The following ZHX3 variants were observed in gnomAD, a reference collection of about 807,000 sequenced individuals.
ZHX3 encodes the protein zinc fingers and homeoboxes 3.
Under a neutral mutation model 64.5 loss-of-function variants are expected in ZHX3, and 20 were observed. The ratio of observed to expected loss-of-function variants is 0.31; its 90% confidence interval spans 0.22 to 0.45. The LOEUF (loss-of-function observed/expected upper bound fraction) is 0.45. Among genes scored for constraint, ZHX3 ranks in the 20% least tolerant of loss-of-function variants. ZHX3 has a pLI of 1.00. For synonymous variants in ZHX3, 423 were observed against 461.6 expected, an observed-to-expected ratio of 0.92 and a Z score of 1.07; for missense variants, 1,041 against 1,195.8, an observed-to-expected ratio of 0.87 and a Z score of 1.91.
intron 2 of ZHX3, chr20:41,238,829 A>G (rs974859974): frequency 1.3e-5 from 2 of 152,088 alleles, no homozygotes; most frequent in Non-Finnish European, 2.9e-5. Flanking sequence ...AAATGTATCT[A>G]TTAAGCACCA....
chr20:41,185,160 T>C lies in ZHX3; in HGVS notation c.*31A>G. On this transcript the variant is annotated 3_prime_UTR_variant, in exon 4 of 4. Coordinates refer to ENST00000683867, the MANE Select transcript of ZHX3 (RefSeq NM_001384317.1). This position sits in a 1 kb window ranked among gnomAD's most constrained non-coding sequence, Gnocchi z 5.0. ...CCACGTGGCAGGCGGTTTCCCAGAC[T>C]GGCCAGTCCTTCACATTAATCAGAT... 1 of 1,606,188 alleles carries C rather than the reference T, an allele frequency of 6.2e-7. No homozygotes were observed. The highest frequency in any genetic ancestry group is 2.2e-5 in the East Asian group (1 of 44,756).
chr20:41,193,712 TG>T lies in ZHX3; in HGVS notation c.2860+8344del, dbSNP rs1374615649. ...TTTTTTTTGTTGTTGTTGTTGTTTT[TG>T]TTTTTTTTTTTTGAGAAGGAGTCTC... On this transcript the variant is annotated intron_variant, in intron 3 of 3. Transcript: ENST00000683867. Among the ~76,000 whole-genome samples the T allele has an allele frequency of 4.5e-3, 538 of 120,816 alleles. 5 individuals carry two copies. The highest frequency in any genetic ancestry group is 0.021 in the African/African-American group (516 of 24,998). 79.3% of individuals were successfully genotyped at this position (120,816 alleles called of 152,430 possible).
chr20:41,230,159 T>C (rs773791651), intron 2 of ZHX3, among the ~76,000 whole-genome samples: 13 of 152,200 alleles, frequency 8.5e-5, no homozygotes, highest in Non-Finnish European at 1.6e-4. Context: ...GTTGAAATAA[T>C]ATTTTGCATA....
At chr20:41,215,332 A>G (rs929867360) in intron 2 of ZHX3, among the ~76,000 whole-genome samples, 6 of 152,186 alleles carry the variant, frequency 3.9e-5, no homozygotes, top group Non-Finnish European at 8.8e-5. Flanking sequence ...AACTTTTTTT[A>G]AAAATCTGTC....
At chr20:41,294,389 T>C (rs981181050) in intron 1 of ZHX3, among the ~76,000 whole-genome samples, 12 of 152,042 alleles carry the variant, frequency 7.9e-5, no homozygotes, top group African/African-American at 2.9e-4. Flanking sequence ...TGAGATGGAG[T>C]CCCACTCTGT....
At chr20:41,317,233 C>G (rs1290828687) in intron 1 of ZHX3, 2 of 152,066 alleles carry the variant, frequency 1.3e-5, no homozygotes, top group East Asian at 1.9e-4. Flanking sequence ...CCTGGACGCC[C>G]GCTCCTGGAG....
At chr20:41,310,885 T>G (rs1224265418) in intron 1 of ZHX3, among the ~76,000 whole-genome samples, 3 of 141,270 alleles carry the variant, frequency 2.1e-5, no homozygotes, top group African/African-American at 8.0e-5. Flanking sequence ...CTCGGCTCAC[T>G]GCAACCTCCC....
Position 41,274,702 on chromosome 20 carries a change from T to A in ZHX3, c.-244-5619A>T, listed in dbSNP as rs201423547. Among the ~76,000 whole-genome samples, 3 of 152,206 alleles carry A rather than the reference T, an allele frequency of 2.0e-5. No homozygotes were observed. The East Asian group carries it at 5.8e-4, about 29-fold the overall frequency. On this transcript the variant is annotated intron_variant, in intron 1 of 3. Transcript: ENST00000683867. The stretch of plus-strand genomic sequence containing the variant: ...CCCCTAAAATAAATACTGGTTCATT[T>A]GAAACCAGTAGATTATGAGTCTGAG...
intron 2 of ZHX3, among the ~76,000 whole-genome samples, chr20:41,251,604 C>A (rs1470727887): frequency 6.6e-6 from 1 of 152,134 alleles, no homozygotes; most frequent in Non-Finnish European, 1.5e-5. Flanking sequence ...AATACACCAA[C>A]TAAAAGGCAA....
chr20:41,247,042 C>T (rs1413057735), intron 2 of ZHX3, among the ~76,000 whole-genome samples: 1 of 152,130 alleles, frequency 6.6e-6, no homozygotes, highest in Non-Finnish European at 1.5e-5. Flanking sequence ...TGGCAGATCG[C>T]TTGAGCCTAG....
chr20:41,198,906 T>G (rs2037989869), intron 3 of ZHX3, among the ~76,000 whole-genome samples: 1 of 151,922 alleles, frequency 6.6e-6, no homozygotes, highest in Admixed American at 6.6e-5. Context: ...CTCTCTCAGG[T>G]TTTTTTTCCT....
At chr20:41,237,368 G>A (rs548910099) in intron 2 of ZHX3, among the ~76,000 whole-genome samples, 4 of 152,282 alleles carry the variant, frequency 2.6e-5, no homozygotes, top group African/African-American at 7.2e-5. Context: ...CAACCCAAAT[G>A]TCCAACAAAG....
At chr20:41,309,094 C>T (rs2045058224) in intron 1 of ZHX3, among the ~76,000 whole-genome samples, 1 of 152,044 alleles carries the variant, frequency 6.6e-6, no homozygotes, top group African/African-American at 2.4e-5. Context: ...TGTCTCCAAA[C>T]AGCTATACTT....
chr20:41,188,676 T>G (rs1438529808), intron 3 of ZHX3: 3 of 152,160 alleles, frequency 2.0e-5, no homozygotes, highest in African/African-American at 7.2e-5. Flanking sequence ...GTTGGGATTA[T>G]AGGTGTTAGC....
At position 41,278,219 on chromosome 20, in the gene ZHX3, T is replaced by C. The variant is rs747334823; in HGVS notation, c.-244-9136A>G. 1.4e-5 allele frequency among the ~76,000 whole-genome samples: 2 copies of C among 138,294 alleles called. 1 individual carries two copies. The highest frequency in any genetic ancestry group is 3.2e-5 in the Non-Finnish European group (2 of 63,486). 90.7% of individuals were successfully genotyped at this position (138,294 alleles called of 152,430 possible). On this transcript the variant is annotated intron_variant, in intron 1 of 3. Coordinates refer to ENST00000683867, the MANE Select transcript of ZHX3 (RefSeq NM_001384317.1). ...TTAGCTGGGTGTTGGGGGTAACACTTGTAGTCCCAGCTACTCGGGAAGCTG... is the reference window on the plus strand; with the variant it reads ...TTAGCTGGGTGTTGGGGGTAACACTCGTAGTCCCAGCTACTCGGGAAGCTG...
chr20:41,243,453 G>C (rs1162579562), intron 2 of ZHX3, among the ~76,000 whole-genome samples: 1 of 152,158 alleles, frequency 6.6e-6, no homozygotes, highest in African/African-American at 2.4e-5. Context: ...CTATGGACCA[G>C]GTTCTATGCT....
chr20:41,256,762 C>A (rs2042274529), intron 2 of ZHX3, among the ~76,000 whole-genome samples: 1 of 151,674 alleles, frequency 6.6e-6, no homozygotes, highest in Non-Finnish European at 1.5e-5. Context: ...TCCATGCAGA[C>A]TTCCCGTCTG....
Position 41,212,790 on chromosome 20 carries a change from T to C in ZHX3, c.-150-7724A>G, listed in dbSNP as rs2039256212. Among the ~76,000 whole-genome samples, 1 of 149,382 alleles carries C rather than the reference T, an allele frequency of 6.7e-6. No individual in the cohort carries two copies. The highest frequency in any genetic ancestry group is 2.1e-4 in the South Asian group (1 of 4,764). ...CCAGCCTGGGCAACAAGAGCTAAAC[T>C]GTGTCTCAAAAAAAAAAAACCAAAA... On this transcript the variant is annotated intron_variant, in intron 2 of 3. Transcript: ENST00000683867. This position sits in a 1 kb window ranked among gnomAD's most constrained non-coding sequence, Gnocchi z 4.3.
intron 2 of ZHX3, among the ~76,000 whole-genome samples, chr20:41,207,323 G>C (rs111934043): frequency 0.14 from 20,516 of 151,802 alleles, 1,623 homozygotes; most frequent in Non-Finnish European, 0.17. Context: ...AATGTAAATG[G>C]GCTAAATGCA....
Sources: gnomAD v4.1 joint callset for allele counts (sites outside exome capture counted in the v4.1 genomes callset) on GRCh38, gnomAD v4.1.1 for gene constraint, Gnocchi (gnomAD v3.1) non-coding constraint, MANE v1.5 for transcripts, NCBI Gene and HGNC (gene_info 2026-07-23, HGNC 2026-07-21) for gene names.